The following TRAK1 variants were observed in gnomAD, a reference collection of about 807,000 sequenced individuals.
TRAK1 encodes the protein trafficking kinesin-binding protein 1.
In TRAK1, 33 loss-of-function variants were observed where a neutral mutation model predicts 92.1. The ratio of observed to expected loss-of-function variants is 0.36; its 90% CI spans 0.27 to 0.48. The LOEUF (loss-of-function observed/expected upper bound fraction) is 0.48. TRAK1 is among the 20% of genes least tolerant of loss of function. The probability of loss-of-function intolerance (pLI) is 0.99; values close to 1 mark genes in which losing one functional copy is unlikely to be tolerated. For missense variants in TRAK1, 1,123 were observed against 1,257.9 expected, an observed-to-expected ratio of 0.89 and a Z score of 1.62; for synonymous variants, 521 against 517.3, an observed-to-expected ratio of 1.01 and a Z score of -0.10.
At chr3:42,211,386 A>G in intron 14 of TRAK1, 1 of 985,296 alleles carries the variant, frequency 1.0e-6, no homozygotes, top group Non-Finnish European at 1.2e-6. Flanking sequence ...TTAGGCAGTT[A>G]TATTACTAGA....
intron 1 of TRAK1, among the ~76,000 whole-genome samples, chr3:42,026,756 C>T (rs1701936624): frequency 1.3e-5 from 2 of 152,114 alleles, no homozygotes; most frequent in African/African-American, 2.4e-5. Flanking sequence ...AACTCCCGAC[C>T]TCAGGTGATC....
intron 1 of TRAK1, among the ~76,000 whole-genome samples, chr3:42,092,149 C>T (rs1221838072): frequency 2.0e-5 from 3 of 152,232 alleles, no homozygotes; most frequent in South Asian, 2.1e-4. Context: ...CGGATCCACA[C>T]CCCAGTGATG....
chr3:42,044,103 A>G (rs114322988), intron 1 of TRAK1, among the ~76,000 whole-genome samples: 14 of 152,244 alleles, frequency 9.2e-5, no homozygotes, highest in Admixed American at 2.0e-4. Flanking sequence ...TTTTAAATCA[A>G]TTTTTCAGTT....
chr3:42,062,794 G>C (rs1348926126), intron 1 of TRAK1, among the ~76,000 whole-genome samples: 1 of 152,190 alleles, frequency 6.6e-6, no homozygotes, highest in Non-Finnish European at 1.5e-5. Flanking sequence ...AACAGTGCCT[G>C]ACACTCCCTT....
Position 42,223,922 on chromosome 3 carries a change from A to G in TRAK1, c.*185A>G. ...TGGAAACTTTGTAAAATGTGTACAT[A>G]GGACTTGGAGACCTTGTGTCCGCCC... On this transcript the variant is annotated 3_prime_UTR_variant, in exon 16 of 16. Transcript: ENST00000327628. This position sits in a 1 kb window ranked among gnomAD's most constrained non-coding sequence, Gnocchi z 6.1. 1.4e-6 allele frequency: 1 copy of G among 706,838 alleles called. No homozygotes were observed. Among genetic ancestry groups the G allele is most frequent in the Non-Finnish European group, 2.4e-6 (1 of 418,276 alleles). 43.8% of individuals were successfully genotyped at this position (706,838 alleles called of 1,614,324 possible).
chr3:42,148,854 C>G (rs1011423011), intron 2 of TRAK1, among the ~76,000 whole-genome samples: 2 of 152,136 alleles, frequency 1.3e-5, no homozygotes, highest in African/African-American at 4.8e-5. Context: ...GGAAAGGAAA[C>G]CAAAAGTAAT....
At chr3:42,044,836 G>GT (rs141711504) in intron 1 of TRAK1, among the ~76,000 whole-genome samples, 15,150 of 151,428 alleles carry the variant, frequency 0.1, 2,587 homozygotes, top group African/African-American at 0.35. Context: ...CCTGTGCTCT[G>GT]TTTTTTTTTA....
At chr3:42,136,065 G>A (rs1697918741) in intron 2 of TRAK1, among the ~76,000 whole-genome samples, 1 of 152,094 alleles carries the variant, frequency 6.6e-6, no homozygotes, top group African/African-American at 2.4e-5. Flanking sequence ...TTGTACCTCA[G>A]TCCTGGTTCT....
chr3:42,130,589 A>G (rs1354555902), intron 2 of TRAK1, among the ~76,000 whole-genome samples: 2 of 151,998 alleles, frequency 1.3e-5, no homozygotes, highest in African/African-American at 4.8e-5. Context: ...CATCTCCTGG[A>G]CTATTTATTT....
intron 1 of TRAK1, among the ~76,000 whole-genome samples, chr3:42,042,116 G>A (rs148175002): frequency 1.2e-4 from 19 of 152,058 alleles, no homozygotes; most frequent in African/African-American, 4.3e-4. Context: ...CAGTAGTGAC[G>A]GGGTTTCGCC....
intron 6 of TRAK1, among the ~76,000 whole-genome samples, chr3:42,189,527 CTTTTTCTT>C (rs1553754220): frequency 1.3e-5 from 2 of 152,254 alleles, no homozygotes; most frequent in South Asian, 4.1e-4. Flanking sequence ...AGCCATATTT[CTTTTTCTT>C]TTTTTCTTTT....
chr3:42,165,071 G>GA (rs1450496897), intron 2 of TRAK1, among the ~76,000 whole-genome samples: 1 of 152,162 alleles, frequency 6.6e-6, no homozygotes, highest in African/African-American at 2.4e-5. Context: ...TTTGCAAAGT[G>GA]AATCACTAAA....
chr3:42,208,477 G>A (rs951885958), intron 13 of TRAK1, among the ~76,000 whole-genome samples: 1 of 152,100 alleles, frequency 6.6e-6, no homozygotes, highest in African/African-American at 2.4e-5. Context: ...CTCCCACCTC[G>A]GCCTGCCTGT....
intron 13 of TRAK1, chr3:42,204,042 A>T (rs1412786728): frequency 1.0e-6 from 1 of 984,800 alleles, no homozygotes; most frequent in Non-Finnish European, 1.2e-6. Context: ...TTATTATTTT[A>T]AAATTGTATA....
chr3:42,055,987 C>T (rs962413723), intron 1 of TRAK1, among the ~76,000 whole-genome samples: 1 of 152,146 alleles, frequency 6.6e-6, no homozygotes, highest in African/African-American at 2.4e-5. Flanking sequence ...TCAGAGTTCA[C>T]CCATGTTGTA....
At chr3:42,154,969 A>G (rs1301128826) in intron 2 of TRAK1, among the ~76,000 whole-genome samples, 1 of 152,052 alleles carries the variant, frequency 6.6e-6, no homozygotes, top group Non-Finnish European at 1.5e-5. Context: ...AGGGTATAGC[A>G]GAGGAAAAAC....
intron 1 of TRAK1, among the ~76,000 whole-genome samples, chr3:42,112,315 C>T (rs1708538589): frequency 1.3e-5 from 2 of 149,880 alleles, no homozygotes; most frequent in African/African-American, 4.9e-5. Context: ...GCTGGGTCAG[C>T]TACTTGGGAG....
chr3:42,159,827 A>G (rs1394031109), intron 2 of TRAK1, among the ~76,000 whole-genome samples: 1 of 152,180 alleles, frequency 6.6e-6, no homozygotes, highest in African/African-American at 2.4e-5. Flanking sequence ...AAGCCCGCCC[A>G]CAGGAAGTCT....
intron 6 of TRAK1, among the ~76,000 whole-genome samples, chr3:42,190,795 T>TCCTCCCTCCCTCCCTC: frequency 6.6e-6 from 1 of 151,504 alleles, no homozygotes; most frequent in Non-Finnish European, 1.5e-5. Flanking sequence ...CTCTCTCCCT[T>TCCTCCCTCCCTCCCTC]CCTCCCTCCC....
Sources: allele counts gnomAD v4.1 joint callset (sites outside exome capture counted in the v4.1 genomes callset), GRCh38; gene constraint gnomAD v4.1.1; non-coding constraint Gnocchi (gnomAD v3.1); transcripts MANE v1.5; gene names NCBI Gene and HGNC (gene_info 2026-07-23, HGNC 2026-07-21).